The following SLMAP variants were observed in gnomAD, a reference collection of about 807,000 sequenced individuals.
SLMAP encodes sarcolemmal membrane-associated protein.
SLMAP carries 44 observed loss-of-function variants against 128.8 expected under a neutral mutation model. The observed-to-expected ratio is 0.34, with a 90% CI of 0.27 to 0.44. The LOEUF (loss-of-function observed/expected upper bound fraction) is 0.44. Ranked by LOEUF, SLMAP falls within the 20% of genes least tolerant of loss-of-function variation. The probability of loss-of-function intolerance (pLI) is 1.00; values close to 1 mark genes in which losing one functional copy is unlikely to be tolerated. For missense variants in SLMAP, 787 were observed against 985.3 expected (o/e 0.80, Z 2.69); for synonymous variants, 327 against 348.8 (o/e 0.94, Z 0.70).
At chr3:57,771,158 C>T (rs925941563) in intron 2 of SLMAP, among the ~76,000 whole-genome samples, 3 of 143,200 alleles carry the variant, frequency 2.1e-5, no homozygotes, top group Admixed American at 6.9e-5. Flanking sequence ...CCTCCCCTCC[C>T]CTCCCCTCCC....
At chr3:57,846,388 G>T (rs754035725) in intron 4 of SLMAP, among the ~76,000 whole-genome samples, 1 of 152,074 alleles carries the variant, frequency 6.6e-6, no homozygotes, top group African/African-American at 2.4e-5. Flanking sequence ...GAGGTGGCTG[G>T]GTAGAGAAGA....
At chr3:57,813,319 C>T (rs1465291863) in intron 2 of SLMAP, among the ~76,000 whole-genome samples, 1 of 152,174 alleles carries the variant, frequency 6.6e-6, no homozygotes, top group African/African-American at 2.4e-5. Flanking sequence ...TGGTCTCGAA[C>T]TCCTGGACTC....
At position 57,929,480 on chromosome 3, in the gene SLMAP, C is replaced by T. The variant is rs181621164; in HGVS notation, c.*2191C>T. 2.0e-5 allele frequency among the ~76,000 whole-genome samples: 3 copies of T among 152,090 alleles called. No homozygotes were observed. The highest frequency in any genetic ancestry group is 2.0e-4 in the Admixed American group (3 of 15,266). ...TGGAATAAATGGCTTTTTGTAGTTA[C>T]TTCCAGTTTTCCTCAAGAATAGAAA... On this transcript the variant is annotated 3_prime_UTR_variant, in exon 25 of 25. Transcript: ENST00000671191.
At position 57,905,248 on chromosome 3, in the gene SLMAP, G is replaced by A. The variant is rs116682701; in HGVS notation, c.1502-2636G>A. On this transcript the variant is annotated intron_variant, in intron 17 of 24. Coordinates refer to ENST00000671191, the MANE Select transcript of SLMAP (RefSeq NM_001377540.1). ...TTTCTCTATATCTCCAAATCTATTC[G>A]AGTTCATACCCTACACCAGAGGATT... Among the ~76,000 whole-genome samples, 388 of 151,874 alleles carry A rather than the reference G, an allele frequency of 2.6e-3. 2 individuals are homozygous for A. The highest frequency in any genetic ancestry group is 8.6e-3 in the African/African-American group (355 of 41,412).
intron 3 of SLMAP, among the ~76,000 whole-genome samples, chr3:57,837,121 T>C (rs1271717356): frequency 6.6e-6 from 1 of 152,226 alleles, no homozygotes; most frequent in African/African-American, 2.4e-5. Context: ...CTTCAAGCCC[T>C]TGCACATGCT....
intron 14 of SLMAP, among the ~76,000 whole-genome samples, chr3:57,880,169 TTTTTGTTTTGTTTTGTTTTG>T (rs74656522): frequency 0.012 from 1,849 of 148,100 alleles, 16 homozygotes; most frequent in Middle Eastern, 0.017. Flanking sequence ...TTGTATGTCA[TTTTTGTTTTGTTTTGTTTTG>T]TTTTGTTTTG....
chr3:57,864,558 G>A lies in SLMAP; in HGVS notation c.977G>A (p.Gly326Glu). The stretch of plus-strand genomic sequence containing the variant: ...TTCTTATTTTTCTAGGTAGCAGAGG[G>A]AAAACAAGAGGAAATCCAACAGAAG... ...DLSDKLKVAE[G>E]KQEEIQQKGQ... Residue 326 changes from glycine (G) to glutamate (E), a missense_variant, in exon 11 of 25, where the codon GGA (glycine) becomes GAA (glutamate). Physicochemically the swap from Gly to Glu is moderately conservative, Grantham distance 98. This residue lies in a region of SLMAP where 715 missense variants were observed against 843.6 expected (regional missense o/e 0.85). Coordinates refer to ENST00000671191, the MANE Select transcript of SLMAP (RefSeq NM_001377540.1). The A allele has an allele frequency of 6.4e-7, 1 of 1,568,250 alleles. No homozygotes were observed. Among genetic ancestry groups the A allele is most frequent in the Non-Finnish European group, 8.6e-7 (1 of 1,166,840 alleles).
At chr3:57,762,201 T>C (rs2078816765) in intron 2 of SLMAP, among the ~76,000 whole-genome samples, 1 of 151,452 alleles carries the variant, frequency 6.6e-6, no homozygotes, top group Non-Finnish European at 1.5e-5. Context: ...ACCCTGTCTC[T>C]ACGAAAAATA....
intron 13 of SLMAP, among the ~76,000 whole-genome samples, chr3:57,869,249 T>C (rs1228902884): frequency 1.3e-5 from 2 of 150,746 alleles, no homozygotes; most frequent in Non-Finnish European, 2.9e-5. Context: ...AGTCTCTCTT[T>C]TCACATTTTT....
chr3:57,919,034 T>C (rs1333231600), intron 22 of SLMAP, among the ~76,000 whole-genome samples: 8 of 152,206 alleles, frequency 5.3e-5, no homozygotes, highest in Non-Finnish European at 8.8e-5. Flanking sequence ...AATTAAAATT[T>C]ATATATGTGG....
intron 10 of SLMAP, 48 bp downstream of exon 10, chr3:57,862,134 C>A: frequency 6.9e-7 from 1 of 1,442,632 alleles, no homozygotes; most frequent in Non-Finnish European, 9.6e-7. Flanking sequence ...TAATCCCTAA[C>A]ACACTAGATA....
chr3:57,760,093 C>G (rs1342762072), intron 2 of SLMAP, among the ~76,000 whole-genome samples: 1 of 152,146 alleles, frequency 6.6e-6, no homozygotes, highest in Non-Finnish European at 1.5e-5. Context: ...GCGCATGCCA[C>G]CATGCCCAGC....
chr3:57,761,834 T>G (rs1357600018), intron 2 of SLMAP, among the ~76,000 whole-genome samples: 3 of 147,262 alleles, frequency 2.0e-5, no homozygotes, highest in Admixed American at 6.7e-5. Context: ...GATCATGAGG[T>G]CAGGAGATCG....
Position 57,818,746 on chromosome 3 carries a change from G to A in SLMAP, c.199-12637G>A, listed in dbSNP as rs1435956714. On this transcript the variant is annotated intron_variant, in intron 2 of 24. Transcript: ENST00000671191. ...GATGGTAGTGAAAGAAATCAGCAAT[G>A]CTTTTAAAAGAAAACTTCATACTTT... Among the ~76,000 whole-genome samples the A allele has an allele frequency of 2.0e-5, 3 of 152,130 alleles. No individual in the cohort carries two copies. The East Asian group carries it at 5.8e-4, about 29-fold the overall frequency.
chr3:57,832,275 C>G (rs1398645594), intron 3 of SLMAP, among the ~76,000 whole-genome samples: 1 of 152,124 alleles, frequency 6.6e-6, no homozygotes, highest in Admixed American at 6.5e-5. Context: ...GTTGTGTGTA[C>G]ATTGTTACCC....
At chr3:57,880,289 C>G (rs555169238) in intron 14 of SLMAP, among the ~76,000 whole-genome samples, 12 of 152,078 alleles carry the variant, frequency 7.9e-5, no homozygotes, top group African/African-American at 2.2e-4. Context: ...GCAACCTCCG[C>G]CTCCCGGGTT....
At chr3:57,919,887 G>A (rs768584270) in intron 22 of SLMAP, among the ~76,000 whole-genome samples, 3 of 151,762 alleles carry the variant, frequency 2.0e-5, no homozygotes, top group Non-Finnish European at 2.9e-5. Flanking sequence ...CCTTCTTGCC[G>A]TGGGGCCAGA....
At chr3:57,782,602 A>T (rs2083295019) in intron 2 of SLMAP, among the ~76,000 whole-genome samples, 1 of 152,054 alleles carries the variant, frequency 6.6e-6, no homozygotes, top group African/African-American at 2.4e-5. Flanking sequence ...CCTCCCAAGT[A>T]GCTGGGACTA....
chr3:57,784,034 C>T (rs1053574776), intron 2 of SLMAP, among the ~76,000 whole-genome samples: 1 of 152,104 alleles, frequency 6.6e-6, no homozygotes, highest in African/African-American at 2.4e-5. Context: ...ATTCAAGAAC[C>T]ATGGGGCCAT....
Sources: allele counts gnomAD v4.1 joint callset (sites outside exome capture counted in the v4.1 genomes callset), GRCh38; gene constraint gnomAD v4.1.1; regional missense constraint gnomAD v4.1.1; transcripts MANE v1.5; gene names NCBI Gene and HGNC (gene_info 2026-07-23, HGNC 2026-07-21).